DLC1: variants seen among roughly 807,000 people sequenced by gnomAD.
DLC1 encodes the protein rho GTPase-activating protein 7.
A neutral mutation model predicts 140.3 loss-of-function variants in DLC1; 54 were observed. That is an observed-to-expected ratio of 0.38 (90% confidence interval 0.31 to 0.48). DLC1 has a LOEUF of 0.48. DLC1 is among the 20% of genes least tolerant of loss of function. DLC1 has a pLI of 0.96. For synonymous variants in DLC1, 986 were observed against 728.1 expected, an observed-to-expected ratio of 1.35 and a Z score of -5.70; for missense variants, 2,536 against 1,907.0, an observed-to-expected ratio of 1.33 and a Z score of -6.14.
Position 13,338,229 on chromosome 8 carries a change from AG to A in DLC1, c.1315-32928del, listed in dbSNP as rs1455482219. Among the ~76,000 whole-genome samples, 68 of 152,344 alleles carry A rather than the reference AG, an allele frequency of 4.5e-4. 1 individual carries two copies. The highest frequency in any genetic ancestry group is 3.9e-3 in the Admixed American group (59 of 15,290). The stretch of plus-strand genomic sequence containing the variant: ...TGGGATGATAATCTCAACCAGTCAC[AG>A]GTTTGTGGGAAAATCAAGTGAGACA... On this transcript the variant is annotated intron_variant, in intron 4 of 17. Coordinates refer to ENST00000276297, the MANE Select transcript of DLC1 (RefSeq NM_182643.3).
At chr8:13,164,320 A>G (rs1005918522) in intron 5 of DLC1, among the ~76,000 whole-genome samples, 11 of 147,882 alleles carry the variant, frequency 7.4e-5, no homozygotes, top group African/African-American at 2.5e-4. Context: ...CTCTATATCT[A>G]TCTATCTATC....
chr8:13,336,041 T>C (rs1198349338), intron 4 of DLC1, among the ~76,000 whole-genome samples: 2 of 152,166 alleles, frequency 1.3e-5, no homozygotes, highest in Non-Finnish European at 2.9e-5. Flanking sequence ...GGAAAAGATT[T>C]GATATTCAGA....
At chr8:13,416,267 AT>A (rs1416184561) in intron 2 of DLC1, among the ~76,000 whole-genome samples, 1 of 152,190 alleles carries the variant, frequency 6.6e-6, no homozygotes. Flanking sequence ...CTCTATAGCA[AT>A]TTAAAAAATT....
intron 4 of DLC1, among the ~76,000 whole-genome samples, chr8:13,362,116 T>C (rs1048648001): frequency 3.3e-5 from 5 of 152,178 alleles, no homozygotes; most frequent in Non-Finnish European, 7.3e-5. Flanking sequence ...AGTGGCTTAA[T>C]TGGAACCATT....
At chr8:13,113,649 T>C (rs1357093809) in intron 6 of DLC1, among the ~76,000 whole-genome samples, 1 of 152,250 alleles carries the variant, frequency 6.6e-6, no homozygotes, top group African/African-American at 2.4e-5. Flanking sequence ...AATGCAGTTG[T>C]CTTTCCTTAT....
rs147357843 is a variant in DLC1, at chr8:13,298,089, A to C, written c.1348+7180T>G. Reference sequence around the variant, plus strand: ...ATTTTCTGTCTTATGACCACAACACAAAGTTTGGAGAGACCGTGACTCTGG... The same window carrying C: ...ATTTTCTGTCTTATGACCACAACACCAAGTTTGGAGAGACCGTGACTCTGG... On this transcript the variant is annotated intron_variant, in intron 5 of 17. Transcript: ENST00000276297. 4.6e-5 allele frequency among the ~76,000 whole-genome samples: 7 copies of C among 152,330 alleles called. No homozygotes were observed. In the East Asian group the frequency reaches 1.3e-3, roughly 29 times the overall value.
chr8:13,415,401 ATT>A (rs34742397), intron 2 of DLC1, among the ~76,000 whole-genome samples: 194 of 139,262 alleles, frequency 1.4e-3, no homozygotes, highest in East Asian at 8.3e-3. Context: ...AAAATATTTA[ATT>A]TTTTTTTTTT....
chr8:13,351,184 G>C (rs368429659), intron 4 of DLC1, among the ~76,000 whole-genome samples: 6 of 152,272 alleles, frequency 3.9e-5, no homozygotes, highest in East Asian at 3.9e-4. Flanking sequence ...TATAGTATCT[G>C]TTCTATACAA....
intron 4 of DLC1, chr8:13,338,678 G>A (rs976401265): frequency 1.2e-4 from 18 of 152,178 alleles, no homozygotes; most frequent in East Asian, 3.9e-4. Context: ...TCATCTGTAC[G>A]TGAAGATAAG....
At chr8:13,240,518 C>T (rs1829499115) in intron 5 of DLC1, among the ~76,000 whole-genome samples, 1 of 152,158 alleles carries the variant, frequency 6.6e-6, no homozygotes, top group South Asian at 2.1e-4. Flanking sequence ...CTCCATCTCC[C>T]TGGCTCAAGG....
chr8:13,309,506 CT>C (rs1351289347), intron 4 of DLC1, among the ~76,000 whole-genome samples: 1 of 152,070 alleles, frequency 6.6e-6, no homozygotes, highest in African/African-American at 2.4e-5. Flanking sequence ...TTTAAGAAAG[CT>C]TTTTTAGCAA....
intron 4 of DLC1, among the ~76,000 whole-genome samples, chr8:13,373,862 A>G (rs987362491): frequency 6.3e-4 from 96 of 152,328 alleles, no homozygotes; most frequent in African/African-American, 2.2e-3. Flanking sequence ...AAAACTTATA[A>G]GCTTTGCATT....
chr8:13,178,921 C>T (rs1025262698), intron 5 of DLC1, among the ~76,000 whole-genome samples: 4 of 152,064 alleles, frequency 2.6e-5, no homozygotes, highest in Non-Finnish European at 5.9e-5. Flanking sequence ...CACCGAATAC[C>T]AATTTACCAA....
chr8:13,465,557 T>A (rs1003708102), intron 2 of DLC1, among the ~76,000 whole-genome samples: 1 of 152,122 alleles, frequency 6.6e-6, no homozygotes, highest in Non-Finnish European at 1.5e-5. Context: ...AAATATCCAT[T>A]TTTTTGCCCG....
At chr8:13,164,550 T>A (rs2116892042) in intron 5 of DLC1, among the ~76,000 whole-genome samples, 1 of 152,282 alleles carries the variant, frequency 6.6e-6, no homozygotes, top group East Asian at 1.9e-4. Flanking sequence ...CCTCTTGGCA[T>A]TAATTTTAAC....
chr8:13,445,477 C>T (rs117925616), intron 2 of DLC1, among the ~76,000 whole-genome samples: 3,704 of 152,212 alleles, frequency 0.024, 61 homozygotes, highest in Middle Eastern at 0.041. Context: ...CCTGTAGTGT[C>T]CAACATTCTA....
chr8:13,347,782 T>C (rs948825871), intron 4 of DLC1, among the ~76,000 whole-genome samples: 2 of 152,130 alleles, frequency 1.3e-5, no homozygotes, highest in Non-Finnish European at 2.9e-5. Flanking sequence ...GTGCTTTTTA[T>C]AAGAATACAG....
intron 4 of DLC1, among the ~76,000 whole-genome samples, chr8:13,333,429 T>C (rs1671365): frequency 6.6e-6 from 1 of 151,926 alleles, no homozygotes; most frequent in African/African-American, 2.4e-5. Context: ...TTTTTTTGTT[T>C]TAGTGATGAG....
chr8:13,431,780 G>T (rs369702585), intron 2 of DLC1, among the ~76,000 whole-genome samples: 1 of 152,136 alleles, frequency 6.6e-6, no homozygotes, highest in Non-Finnish European at 1.5e-5. Context: ...GAACGTGGGT[G>T]GGGAAGTGGG....
Sources: allele counts gnomAD v4.1 joint callset (sites outside exome capture counted in the v4.1 genomes callset), GRCh38; gene constraint gnomAD v4.1.1; transcripts MANE v1.5; gene names NCBI Gene and HGNC (gene_info 2026-07-23, HGNC 2026-07-21).